The following CNGB3 variants were observed in gnomAD, a reference collection of about 807,000 sequenced individuals.
The protein encoded by CNGB3 is cyclic nucleotide-gated channel beta-3.
In CNGB3, 86 loss-of-function variants were observed where a neutral mutation model predicts 92.8. The observed-to-expected ratio is 0.93, with a 90% CI of 0.78 to 1.11. The LOEUF (loss-of-function observed/expected upper bound fraction) is 1.11. CNGB3 is among the 50% of genes least tolerant of loss of function. CNGB3 has a pLI of 0.00. For missense variants in CNGB3, 1,026 were observed against 956.8 expected (o/e 1.07, Z -0.95); for synonymous variants, 333 against 332.7 (o/e 1.00, Z -0.01).
intron 13 of CNGB3, among the ~76,000 whole-genome samples, chr8:86,624,193 C>A (rs1440246774): frequency 6.6e-6 from 1 of 151,996 alleles, no homozygotes; most frequent in Non-Finnish European, 1.5e-5. Context: ...CTGAGGGGGG[C>A]AGATCACTTG....
intron 3 of CNGB3, among the ~76,000 whole-genome samples, chr8:86,699,482 C>CA (rs1210965682): frequency 6.6e-6 from 1 of 151,940 alleles, no homozygotes; most frequent in Non-Finnish European, 1.5e-5. Flanking sequence ...CTCTCTCTCT[C>CA]AAAAATAATA....
intron 3 of CNGB3, among the ~76,000 whole-genome samples, chr8:86,689,723 C>A: frequency 6.6e-6 from 1 of 151,890 alleles, no homozygotes; most frequent in East Asian, 1.9e-4. Context: ...CCCCCAACCC[C>A]ACAACAGGCC....
intron 4 of CNGB3, among the ~76,000 whole-genome samples, chr8:86,670,240 C>G (rs565070961): frequency 2.1e-4 from 32 of 152,270 alleles, no homozygotes; most frequent in African/African-American, 7.7e-4. Flanking sequence ...GTCCTTTGCT[C>G]TCTTGGATAC....
At chr8:86,597,674 T>G (rs1342712256) in intron 15 of CNGB3, among the ~76,000 whole-genome samples, 1 of 152,006 alleles carries the variant, frequency 6.6e-6, no homozygotes, top group African/African-American at 2.4e-5. Flanking sequence ...AGACAATGGG[T>G]GTCTGGATTA....
At chr8:86,661,716 C>T (rs1386273966) in intron 6 of CNGB3, 5 of 1,438,436 alleles carry the variant, frequency 3.5e-6, no homozygotes, top group Non-Finnish European at 4.9e-6. Context: ...CCATTCTGAC[C>T]CATGGGTAGT....
chr8:86,578,838 T>C lies in CNGB3; in HGVS notation c.1954A>G (p.Thr652Ala), dbSNP rs1821707916. The stretch of plus-strand genomic sequence containing the variant: ...TTTCTTGGAGGGGTTGCTTCTGCGG[T>C]CTTAGCCTTCTGCTTTAAAAGCACT... The part of the protein sequence containing the change: ...ARVLLKQKAK[T>A]AEATPPRKDL... The change falls in exon 17 of 18, where the codon ACC (threonine) becomes GCC (alanine). Residue 652 changes from threonine to alanine, a missense_variant. Thr to Ala is a moderately conservative substitution (Grantham distance 58). Coordinates refer to ENST00000320005, the MANE Select transcript of CNGB3 (RefSeq NM_019098.5). 2 of 1,614,088 alleles carry C rather than the reference T, an allele frequency of 1.2e-6. No homozygotes were observed. The highest frequency in any genetic ancestry group is 1.3e-5 in the African/African-American group (1 of 74,932).
intron 15 of CNGB3, among the ~76,000 whole-genome samples, chr8:86,598,869 C>A (rs1274430763): frequency 6.6e-6 from 1 of 152,006 alleles, no homozygotes; most frequent in Admixed American, 6.6e-5. Context: ...CTGCAAAGAC[C>A]CTGACCCTTT....
At chr8:86,692,036 G>C (rs749962317) in intron 3 of CNGB3, among the ~76,000 whole-genome samples, 3 of 152,124 alleles carry the variant, frequency 2.0e-5, no homozygotes, top group Non-Finnish European at 2.9e-5. Flanking sequence ...GCATGGCTTC[G>C]AGGGTTCCTT....
intron 3 of CNGB3, among the ~76,000 whole-genome samples, chr8:86,690,676 GT>G (rs1452245981): frequency 2.0e-5 from 3 of 152,030 alleles, no homozygotes; most frequent in Non-Finnish European, 2.9e-5. Context: ...TTCTTCTAGG[GT>G]TTTTATGGTT....
intron 3 of CNGB3, among the ~76,000 whole-genome samples, chr8:86,715,917 T>C (rs1824845054): frequency 6.6e-6 from 1 of 151,412 alleles, no homozygotes; most frequent in Non-Finnish European, 1.5e-5. Context: ...ATGGCACATG[T>C]ATACATATGT....
chr8:86,672,608 TCCAAGTGGCAGC>T (rs1234013923), intron 3 of CNGB3, among the ~76,000 whole-genome samples: 1 of 152,018 alleles, frequency 6.6e-6, no homozygotes, highest in African/African-American at 2.4e-5. Flanking sequence ...CCATCTCACC[TCCAAGTGGCAGC>T]CCATGGGGTT....
chr8:86,621,505 C>T (rs1822725750), intron 13 of CNGB3, among the ~76,000 whole-genome samples: 1 of 151,842 alleles, frequency 6.6e-6, no homozygotes, highest in Non-Finnish European at 1.5e-5. Flanking sequence ...TTTTGGGGAA[C>T]AAGTGGTTTT....
At chr8:86,670,745 C>A (rs761159693) in intron 4 of CNGB3, among the ~76,000 whole-genome samples, 199 bp downstream of exon 4, 2 of 152,098 alleles carry the variant, frequency 1.3e-5, no homozygotes, top group Non-Finnish European at 2.9e-5. Context: ...GCCAGTAATC[C>A]TCTTATTAAC....
At chr8:86,720,618 A>G (rs1824947295) in intron 3 of CNGB3, among the ~76,000 whole-genome samples, 1 of 152,134 alleles carries the variant, frequency 6.6e-6, no homozygotes, top group African/African-American at 2.4e-5. Context: ...AAGTAGATCT[A>G]CCATTTGATC....
chr8:86,595,210 G>A (rs1822143203), intron 15 of CNGB3, among the ~76,000 whole-genome samples: 1 of 152,206 alleles, frequency 6.6e-6, no homozygotes, highest in Non-Finnish European at 1.5e-5. Flanking sequence ...AGTTACTGCT[G>A]TTGTTTTAAT....
intron 3 of CNGB3, among the ~76,000 whole-genome samples, chr8:86,705,421 G>A (rs567891317): frequency 5.3e-4 from 80 of 151,916 alleles, no homozygotes; most frequent in African/African-American, 1.5e-3. Context: ...CAACCCACCC[G>A]CAAATGTCCA....
rs1404514476 is a variant in CNGB3, at chr8:86,574,501, C to CT, written c.*1302dup. The CT allele has an allele frequency of 6.6e-6, 1 of 152,154 alleles. No homozygotes were observed. Among genetic ancestry groups the CT allele is most frequent in the East Asian group, 1.9e-4 (1 of 5,202 alleles). 9.4% of individuals were successfully genotyped at this position (152,154 alleles called of 1,614,324 possible). The stretch of plus-strand genomic sequence containing the variant: ...AACACTACATGCAAAAACGGTGACT[C>CT]TATCAAATGATGCAGTTTATTATAG... On this transcript the variant is annotated 3_prime_UTR_variant, in exon 18 of 18. Coordinates refer to ENST00000320005, the MANE Select transcript of CNGB3 (RefSeq NM_019098.5).
chr8:86,663,867 T>C (rs2131612208), intron 6 of CNGB3, among the ~76,000 whole-genome samples: 1 of 152,378 alleles, frequency 6.6e-6, no homozygotes, highest in Non-Finnish European at 1.5e-5. Context: ...CTGTTGAGTG[T>C]GTTTTTTACC....
At chr8:86,692,616 T>C (rs886510306) in intron 3 of CNGB3, among the ~76,000 whole-genome samples, 5 of 152,176 alleles carry the variant, frequency 3.3e-5, no homozygotes, top group African/African-American at 9.7e-5. Flanking sequence ...TTTATGTGAG[T>C]CCTTTGTGTT....
Sources: allele counts gnomAD v4.1 joint callset (sites outside exome capture counted in the v4.1 genomes callset), GRCh38; gene constraint gnomAD v4.1.1; transcripts MANE v1.5; gene names NCBI Gene and HGNC (gene_info 2026-07-23, HGNC 2026-07-21).